The following SLIT3 variants were observed in gnomAD, a reference collection of about 807,000 sequenced individuals.
SLIT3 encodes the protein slit homolog 3 protein.
In SLIT3, 68 loss-of-function variants were observed where a neutral mutation model predicts 184.0. The observed-to-expected ratio is 0.37, with a 90% CI of 0.30 to 0.45. The LOEUF (loss-of-function observed/expected upper bound fraction) is 0.45. Ranked by LOEUF, SLIT3 falls within the 20% of genes least tolerant of loss-of-function variation. The probability of loss-of-function intolerance (pLI) is 1.00; values close to 1 mark genes in which losing one functional copy is unlikely to be tolerated. For missense variants in SLIT3, 1,707 were observed against 2,026.0 expected (o/e 0.84, Z 3.02); for synonymous variants, 831 against 828.6 (o/e 1.00, Z -0.05).
chr5:168,914,682 C>T (rs879565336), intron 4 of SLIT3, among the ~76,000 whole-genome samples: 1 of 152,178 alleles, frequency 6.6e-6, no homozygotes, highest in Non-Finnish European at 1.5e-5. Context: ...GCGTACTTCT[C>T]TTTTCTGTAC....
At chr5:168,686,044 T>G (rs1275975350) in intron 30 of SLIT3, 117 bp from the exon 31 acceptor site, 1 of 1,196,620 alleles carries the variant, frequency 8.4e-7, no homozygotes, top group East Asian at 2.8e-5. Context: ...GAAATGACAC[T>G]AGTTCTAGGG....
At chr5:168,913,701 A>T (rs1183802613) in intron 4 of SLIT3, among the ~76,000 whole-genome samples, 1 of 147,302 alleles carries the variant, frequency 6.8e-6, no homozygotes, top group Non-Finnish European at 1.5e-5. Flanking sequence ...AGATGGCACC[A>T]TTGTACTCCA....
intron 3 of SLIT3, among the ~76,000 whole-genome samples, chr5:169,217,497 C>G (rs1440405265): frequency 6.6e-6 from 1 of 152,088 alleles, no homozygotes; most frequent in Non-Finnish European, 1.5e-5. Context: ...TGTAGTAATC[C>G]AGGAGAACAT....
intron 23 of SLIT3, among the ~76,000 whole-genome samples, 162 bp downstream of exon 23, chr5:168,722,094 T>G (rs1390018995): frequency 6.6e-6 from 1 of 152,110 alleles, no homozygotes; most frequent in Non-Finnish European, 1.5e-5. Context: ...CTCTCAAAGG[T>G]AGCTCTCTCT....
At chr5:169,229,951 C>T (rs1172064920) in intron 3 of SLIT3, among the ~76,000 whole-genome samples, 3 of 152,060 alleles carry the variant, frequency 2.0e-5, no homozygotes, top group East Asian at 3.9e-4. Context: ...AACCTGTGCC[C>T]GCAAATGACC....
In SLIT3 at chr5:168,700,678, C is replaced by A; in HGVS notation, c.2846G>T (p.Gly949Val). 6.2e-7 allele frequency: 1 copy of A among 1,613,502 alleles called. No individual in the cohort carries two copies. The highest frequency in any genetic ancestry group is 1.1e-5 in the South Asian group (1 of 91,022). ...YRCACPYSYKGKDCTVPINTC... is the reference protein window; with the variant it reads ...YRCACPYSYKVKDCTVPINTC... ...GTTGATGGGCACAGTGCAGTCCTTG[C>A]CCTGAGGAGCAAAAGAGGGAGAAGC... The change falls in exon 27 of 36, where the codon GGC becomes GTC. Residue 949 changes from glycine (G) to valine (V), a missense_variant and splice_region_variant. Around this residue, in one of 3 missense-constraint regions of SLIT3, gnomAD observed 1,307 missense variants for 1,511.6 expected, o/e 0.86. Coordinates refer to ENST00000519560, the MANE Select transcript of SLIT3 (RefSeq NM_003062.4).
intron 26 of SLIT3, among the ~76,000 whole-genome samples, chr5:168,702,154 C>T (rs1762236109): frequency 1.3e-5 from 2 of 152,178 alleles, no homozygotes; most frequent in South Asian, 2.1e-4. Context: ...AACACAGGGC[C>T]CCTTTCTGAA....
intron 4 of SLIT3, among the ~76,000 whole-genome samples, chr5:169,015,396 G>A (rs1311660923): frequency 1.3e-5 from 2 of 152,162 alleles, no homozygotes; most frequent in Non-Finnish European, 2.9e-5. Flanking sequence ...ACAGTTCCAG[G>A]AGCCACTCAG....
At chr5:169,258,873 A>G (rs1371205249) in intron 1 of SLIT3, among the ~76,000 whole-genome samples, 4 of 152,168 alleles carry the variant, frequency 2.6e-5, no homozygotes, top group Non-Finnish European at 4.4e-5. Flanking sequence ...AACAGCCCTC[A>G]GTGAAAGCAT....
chr5:169,206,239 C>T (rs1350505257), intron 3 of SLIT3, among the ~76,000 whole-genome samples: 1 of 152,174 alleles, frequency 6.6e-6, no homozygotes, highest in Non-Finnish European at 1.5e-5. Flanking sequence ...AATATCTACT[C>T]ATTTCTATGA....
chr5:168,796,958 G>C (rs760818982), intron 9 of SLIT3, among the ~76,000 whole-genome samples: 1 of 151,804 alleles, frequency 6.6e-6, no homozygotes, highest in Non-Finnish European at 1.5e-5. Context: ...TGAGAGGAGA[G>C]AGGGAGTATC....
chr5:168,663,259 G>A lies in SLIT3; in HGVS notation c.*3195C>T, dbSNP rs570024039. Reference sequence around the variant, plus strand: ...AGCAGGGGCATTGGTGGTGGGATAAGGCTCAGATCCACCTGCCTAGGGGGA... The same window carrying A: ...AGCAGGGGCATTGGTGGTGGGATAAAGCTCAGATCCACCTGCCTAGGGGGA... On this transcript the variant is annotated 3_prime_UTR_variant, in exon 36 of 36. Transcript: ENST00000519560. 6.6e-6 allele frequency: 1 copy of A among 151,912 alleles called. No individual in the cohort carries two copies. Among genetic ancestry groups the A allele is most frequent in the East Asian group, 1.9e-4 (1 of 5,142 alleles). The allele number at this position is 151,912 out of a possible 1,614,324, so 9.4% of individuals were successfully genotyped here.
At chr5:169,225,783 G>C (rs1289341322) in intron 3 of SLIT3, among the ~76,000 whole-genome samples, 1 of 152,202 alleles carries the variant, frequency 6.6e-6, no homozygotes, top group African/African-American at 2.4e-5. Context: ...GGGAGGCAGG[G>C]GCCAGGGGCC....
At chr5:168,880,457 A>G (rs1052609077) in intron 5 of SLIT3, among the ~76,000 whole-genome samples, 1 of 152,172 alleles carries the variant, frequency 6.6e-6, no homozygotes, top group Non-Finnish European at 1.5e-5. Context: ...TTGCCTTTAC[A>G]CTTTGCACGT....
At chr5:169,149,956 A>T (rs1467120867) in intron 4 of SLIT3, among the ~76,000 whole-genome samples, 1 of 152,216 alleles carries the variant, frequency 6.6e-6, no homozygotes, top group Non-Finnish European at 1.5e-5. Flanking sequence ...TCATTTGATC[A>T]TTCCTGTTTT....
At chr5:169,090,208 G>A (rs1759519413) in intron 4 of SLIT3, among the ~76,000 whole-genome samples, 1 of 152,148 alleles carries the variant, frequency 6.6e-6, no homozygotes, top group Admixed American at 6.6e-5. Context: ...TTTCCAGAGA[G>A]GCTGTCAAAC....
At chr5:169,137,553 T>C (rs2338297) in intron 4 of SLIT3, among the ~76,000 whole-genome samples, 88,770 of 151,174 alleles carry the variant, frequency 0.59, 27,720 homozygotes, top group African/African-American at 0.81. Flanking sequence ...CTGACAGGGG[T>C]TTTTCCTGGC....
intron 3 of SLIT3, among the ~76,000 whole-genome samples, chr5:169,221,720 G>T (rs1156495463): frequency 6.6e-6 from 1 of 152,166 alleles, no homozygotes; most frequent in East Asian, 1.9e-4. Context: ...CCAGCCATCA[G>T]TTCCTAGTGC....
chr5:168,996,036 G>A (rs1755497103), intron 4 of SLIT3, among the ~76,000 whole-genome samples: 1 of 152,184 alleles, frequency 6.6e-6, no homozygotes, highest in Non-Finnish European at 1.5e-5. Context: ...ATCTGACACT[G>A]AGATCAATGA....
Sources: allele counts gnomAD v4.1 joint callset (sites outside exome capture counted in the v4.1 genomes callset), GRCh38; gene constraint gnomAD v4.1.1; regional missense constraint gnomAD v4.1.1; transcripts MANE v1.5; gene names NCBI Gene and HGNC (gene_info 2026-07-23, HGNC 2026-07-21).